KALRN: variants seen among roughly 807,000 people sequenced by gnomAD.
KALRN encodes kalirin.
Under a neutral mutation model 353.7 loss-of-function variants are expected in KALRN, and 70 were observed. The ratio of observed to expected loss-of-function variants is 0.20; its 90% CI spans 0.16 to 0.24. The LOEUF (loss-of-function observed/expected upper bound fraction) is 0.24, where lower values mean the gene tolerates loss of function less well. Among genes scored for constraint, KALRN ranks in the 10% least tolerant of loss-of-function variants. The pLI, the probability that KALRN is intolerant of heterozygous loss-of-function variation, is 1.00. For synonymous variants in KALRN, 1,391 were observed against 1,434.8 expected, an observed-to-expected ratio of 0.97 and a Z score of 0.69; for missense variants, 2,791 against 3,756.7, an observed-to-expected ratio of 0.74 and a Z score of 6.72.
intron 34 of KALRN, among the ~76,000 whole-genome samples, chr3:124,609,832 G>A (rs1213288270): frequency 2.6e-5 from 4 of 152,162 alleles, no homozygotes; most frequent in Non-Finnish European, 5.9e-5. Flanking sequence ...TCAGAGGTGG[G>A]TGGTAGTTAT....
chr3:124,565,828 G>A (rs939579342), intron 34 of KALRN, among the ~76,000 whole-genome samples: 3 of 152,248 alleles, frequency 2.0e-5, no homozygotes, highest in Non-Finnish European at 4.4e-5. Context: ...GAGTCAATCT[G>A]TGATCCCGAA....
chr3:124,115,261 C>T (rs541180117), intron 1 of KALRN, among the ~76,000 whole-genome samples: 19 of 152,248 alleles, frequency 1.2e-4, no homozygotes, highest in African/African-American at 4.3e-4. Context: ...GGTGGGCTTT[C>T]GGTCCCATGC....
At chr3:124,697,191 C>T (rs567789737) in intron 54 of KALRN, among the ~76,000 whole-genome samples, 3 of 152,330 alleles carry the variant, frequency 2.0e-5, no homozygotes, top group African/African-American at 7.2e-5. Flanking sequence ...AGCCAGCACA[C>T]CTGGCACTAC....
chr3:124,421,797 G>A (rs951898401), intron 14 of KALRN, among the ~76,000 whole-genome samples: 20 of 152,158 alleles, frequency 1.3e-4, no homozygotes, highest in African/African-American at 2.7e-4. Flanking sequence ...TGATGATAAC[G>A]TATAAATAGG....
At chr3:124,220,077 G>A (rs1261110950) in intron 1 of KALRN, among the ~76,000 whole-genome samples, 2 of 151,836 alleles carry the variant, frequency 1.3e-5, no homozygotes, top group African/African-American at 2.4e-5. Flanking sequence ...CCCGAGTAGT[G>A]AGGTTTACAG....
chr3:124,439,200 T>TCACACACA (rs376221553), intron 18 of KALRN, among the ~76,000 whole-genome samples, 163 bp downstream of exon 18: 31 of 98,944 alleles, frequency 3.1e-4, no homozygotes, highest in African/African-American at 9.2e-4. Context: ...TCTCTCTCTC[T>TCACACACA]CACACACACA....
rs752783614 is a variant in KALRN at position 124,170,831 on chromosome 3, CTTTTTTTTTTTTTTTTTTTTT to C, written c.74-57140_74-57120del. 9.4e-3 allele frequency among the ~76,000 whole-genome samples: 445 copies of C among 47,164 alleles called. 1 individual carries two copies. The highest frequency in any genetic ancestry group is 0.032 in the African/African-American group (408 of 12,596). 30.9% of individuals were successfully genotyped at this position (47,164 alleles called of 152,430 possible). A position where few individuals can be genotyped will look rare whatever the true frequency, so the allele number is the denominator to read the frequency against. ...TATAAACTCCTTCCACTTCCACATT[CTTTTTTTTTTTTTTTTTTTTT>C]TTTTTTTTTTTTTTTTTTGAGACAT... is the stretch of plus-strand genomic sequence containing the variant. On this transcript the variant is annotated intron_variant, in intron 1 of 59. Transcript: ENST00000682506.
At chr3:124,335,519 G>A (rs2081050764) in intron 9 of KALRN, among the ~76,000 whole-genome samples, 2 of 152,056 alleles carry the variant, frequency 1.3e-5, no homozygotes, top group South Asian at 4.1e-4. Context: ...CTCTGTTTCT[G>A]TCTTCCAGAG....
At chr3:124,421,399 G>A (rs531280894) in intron 14 of KALRN, among the ~76,000 whole-genome samples, 9 of 152,286 alleles carry the variant, frequency 5.9e-5, no homozygotes, top group Admixed American at 5.9e-4. Context: ...CAGGACTAAG[G>A]AGCAGTGGTC....
intron 31 of KALRN, among the ~76,000 whole-genome samples, chr3:124,492,420 C>T (rs1196507948): frequency 6.6e-6 from 1 of 152,196 alleles, no homozygotes; most frequent in Admixed American, 6.5e-5. Flanking sequence ...TAATCCCTGT[C>T]CCAGGGGGAA....
intron 34 of KALRN, among the ~76,000 whole-genome samples, chr3:124,602,946 T>TGTTGTTGTTATTTTG (rs1306270170): frequency 2.6e-5 from 4 of 151,522 alleles, no homozygotes; most frequent in African/African-American, 7.3e-5. Flanking sequence ...CGTGGTTTTT[T>TGTTGTTGTTATTTTG]TTTTGTTGTT....
chr3:124,208,577 G>A (rs980954951), intron 1 of KALRN, among the ~76,000 whole-genome samples: 2 of 152,162 alleles, frequency 1.3e-5, no homozygotes, highest in Non-Finnish European at 2.9e-5. Context: ...CTGTTACAGA[G>A]GGAGATGAAG....
rs2079894251 is a variant in KALRN, at chr3:124,326,235, G to A, written c.1284+64G>A. ...AAGGGTTGGGCATGGGCAGGGGAGGGCTGGATGGGAGCACACACACTCTCT... is the reference window on the plus strand; with the variant it reads ...AAGGGTTGGGCATGGGCAGGGGAGGACTGGATGGGAGCACACACACTCTCT... On this transcript the variant is annotated intron_variant, in intron 7 of 59. Coordinates refer to ENST00000682506, the MANE Select transcript of KALRN (RefSeq NM_001388419.1). The A allele has an allele frequency of 4.2e-6, 6 of 1,420,930 alleles. No individual in the cohort carries two copies. The South Asian group carries it at 8.0e-5, about 19-fold the overall frequency. 88.0% of individuals were successfully genotyped at this position (1,420,930 alleles called of 1,614,324 possible).
intron 1 of KALRN, among the ~76,000 whole-genome samples, chr3:124,151,503 T>A (rs1188700783): frequency 6.6e-6 from 1 of 152,220 alleles, no homozygotes; most frequent in Non-Finnish European, 1.5e-5. Flanking sequence ...TTTTGTAAGG[T>A]GAATCTTCAT....
At chr3:124,044,365 A>G (rs1166348893) in intron 1 of KALRN, among the ~76,000 whole-genome samples, 1 of 152,180 alleles carries the variant, frequency 6.6e-6, no homozygotes, top group Admixed American at 6.5e-5. Flanking sequence ...GACCAGTTCC[A>G]GAATCATAGA....
At chr3:124,298,696 C>G in intron 5 of KALRN, 95 bp from the exon 6 acceptor site, 2 of 1,380,950 alleles carry the variant, frequency 1.4e-6, no homozygotes, top group Non-Finnish European at 2.0e-6. Context: ...TGAGCACCAG[C>G]AGGAGAGCTT....
chr3:124,343,113 C>T (rs1005544114), intron 9 of KALRN, among the ~76,000 whole-genome samples: 2 of 152,250 alleles, frequency 1.3e-5, no homozygotes, highest in African/African-American at 4.8e-5. Context: ...GTTTTCCCTT[C>T]TCTACTCTTG....
In KALRN at chr3:124,674,477, C is replaced by T. The variant is rs768645351; in HGVS notation, c.7056C>T (p.Ala2352=). 2.9e-5 allele frequency: 47 copies of T among 1,613,888 alleles called. No homozygotes were observed. In the Admixed American group the frequency reaches 6.5e-4, roughly 22 times the overall value. The part of the protein sequence containing the change: ...VSQGEVVQVL[A]VNQQNMCLVY... ...AAGGTGAGGTGGTCCAGGTCCTCGC[C>T]GTCAACCAGCAGAACATGTGTCTGG... The change falls in exon 49 of 60, where the codon GCC becomes GCT. Residue 2352 remains alanine, a synonymous_variant. Coordinates refer to ENST00000682506, the MANE Select transcript of KALRN (RefSeq NM_001388419.1).
intron 5 of KALRN, 91 bp from the exon 6 acceptor site, chr3:124,298,700 A>C: frequency 1.4e-6 from 2 of 1,431,762 alleles, no homozygotes; most frequent in Non-Finnish European, 2.0e-6. Context: ...CACCAGCAGG[A>C]GAGCTTTTTC....
Sources: gnomAD v4.1 joint callset for allele counts (sites outside exome capture counted in the v4.1 genomes callset) on GRCh38, gnomAD v4.1.1 for gene constraint, MANE v1.5 for transcripts, NCBI Gene and HGNC (gene_info 2026-07-23, HGNC 2026-07-21) for gene names.